PGLYRP4: variants seen among roughly 807,000 people sequenced by gnomAD.
PGLYRP4 encodes peptidoglycan recognition protein 4, also known as PGRP-I-beta.
Under a neutral mutation model 41.2 loss-of-function variants are expected in PGLYRP4, and 39 were observed. That is an observed-to-expected ratio of 0.95 (90% CI 0.73 to 1.24). The LOEUF is 1.24. Ranked by LOEUF, PGLYRP4 falls within the 50% of genes most tolerant of loss-of-function variation. PGLYRP4 has a pLI of 0.00. For missense variants in PGLYRP4, 467 were observed against 460.7 expected (o/e 1.01, Z -0.13); for synonymous variants, 202 against 186.8 (o/e 1.08, Z -0.66).
chr1:153,348,823 C>T lies in PGLYRP4; in HGVS notation c.-342G>A, dbSNP rs1661120742. On this transcript the variant is annotated 5_prime_UTR_variant, in exon 1 of 9. Transcript: ENST00000359650. Reference sequence around the variant, plus strand: ...GGCTCTGAGCCAGCTCCTTTCACAGCACCTGGAGAAATGCAAGTGGGACCA... The same window carrying T: ...GGCTCTGAGCCAGCTCCTTTCACAGTACCTGGAGAAATGCAAGTGGGACCA... The T allele has an allele frequency of 6.6e-6, 1 of 152,372 alleles. No homozygotes were observed. The highest frequency in any genetic ancestry group is 2.4e-5 in the African/African-American group (1 of 41,464). 9.4% of individuals were successfully genotyped at this position (152,372 alleles called of 1,614,324 possible). A position where few individuals can be genotyped will look rare whatever the true frequency, so the allele number is the denominator to read the frequency against.
intron 4 of PGLYRP4, among the ~76,000 whole-genome samples, chr1:153,344,517 T>A (rs1046626893): frequency 1.3e-5 from 2 of 152,164 alleles, no homozygotes; most frequent in Non-Finnish European, 2.9e-5. Flanking sequence ...GGGGAAGGTC[T>A]GAAGCAGGAA....
In PGLYRP4 at chr1:153,330,809, A is replaced by G; in HGVS notation, c.1080T>C (p.Ala360=). ...DVARTLSPGQ[A]LYNIISTWPH... ...GCCAGGTGCTGATGATGTTGTACAAAGCCTGCCCAGGAGACAAGGTTCGGG... is the reference window on the plus strand; with the variant it reads ...GCCAGGTGCTGATGATGTTGTACAAGGCCTGCCCAGGAGACAAGGTTCGGG... The change falls in exon 9 of 9, where the codon GCT becomes GCC. Residue 360 remains alanine (A), a synonymous_variant. Coordinates refer to ENST00000359650, the MANE Select transcript of PGLYRP4 (RefSeq NM_020393.4). 2 of 1,614,002 alleles carry G rather than the reference A, an allele frequency of 1.2e-6. No individual in the cohort carries two copies. Among genetic ancestry groups the G allele is most frequent in the East Asian group, 2.2e-5 (1 of 44,872 alleles).
At chr1:153,340,691 G>A in intron 6 of PGLYRP4, 112 bp from the exon 7 acceptor site, 1 of 1,073,202 alleles carries the variant, frequency 9.3e-7, no homozygotes, top group Non-Finnish European at 1.3e-6. Flanking sequence ...AACCCCTCTG[G>A]GTCTCCCACC....
At chr1:153,346,842 C>T (rs976459538) in intron 2 of PGLYRP4, among the ~76,000 whole-genome samples, 1 of 152,206 alleles carries the variant, frequency 6.6e-6, no homozygotes, top group Non-Finnish European at 1.5e-5. Flanking sequence ...TCTTCAGGTG[C>T]ATTATCTCAT....
At position 153,340,427 on chromosome 1, in the gene PGLYRP4, G is replaced by A; in HGVS notation, c.778C>T (p.Gln260Ter). ...TTGAGCCTGTCTATGTAGAAAGACT[G>A]GATGTCCCGGACCAGCAGGCGGCAC... Reference protein sequence around the residue: ...DECRLLVRDIQSFYIDRLKSC... With the variant: ...DECRLLVRDI The change falls in exon 7 of 9, where the codon CAG becomes TAG. Residue 260 changes from glutamine (Q) to a stop codon, truncating the protein, a stop_gained. Coordinates refer to ENST00000359650, the MANE Select transcript of PGLYRP4 (RefSeq NM_020393.4). LOFTEE classifies it high-confidence loss of function. The A allele has an allele frequency of 6.2e-7, 1 of 1,614,178 alleles. No homozygotes were observed. The highest frequency in any genetic ancestry group is 1.1e-5 in the South Asian group (1 of 91,072).
intron 8 of PGLYRP4, among the ~76,000 whole-genome samples, chr1:153,334,808 A>G (rs1012174542): frequency 6.6e-6 from 1 of 152,184 alleles, no homozygotes; most frequent in Non-Finnish European, 1.5e-5. Context: ...AAATTATACT[A>G]CAAGACTATA....
At position 153,339,961 on chromosome 1, in the gene PGLYRP4, G is replaced by A. The variant is rs185932535; in HGVS notation, c.824+420C>T. On this transcript the variant is annotated intron_variant, in intron 7 of 8. Transcript: ENST00000359650. ...CAGAGAAGCAGCACGGGTCTACCAT[G>A]AGGGGGAACCACTTCAGGTTGTGGC... Among the ~76,000 whole-genome samples, 5 of 152,322 alleles carry A rather than the reference G, an allele frequency of 3.3e-5. No individual in the cohort carries two copies. In the East Asian group the frequency reaches 9.7e-4, roughly 29 times the overall value.
intron 7 of PGLYRP4, among the ~76,000 whole-genome samples, chr1:153,340,177 A>T (rs1026670902): frequency 9.8e-5 from 15 of 152,292 alleles, no homozygotes; most frequent in Middle Eastern, 3.4e-3. Flanking sequence ...CATCTTGAGA[A>T]CATGTTTGGG....
In PGLYRP4 at chr1:153,347,868, G is replaced by A. The variant is rs370279274; in HGVS notation, c.49+16C>T. The A allele has an allele frequency of 4.0e-5, 64 of 1,601,650 alleles. No individual in the cohort carries two copies. Among genetic ancestry groups the A allele is most frequent in the Admixed American group, 8.4e-5 (5 of 59,812 alleles). ...CCCTTCTCGGTTGCTTTTTGGCCCA[G>A]GGAAAGAAAACTTACCCCAGGCCTG... On this transcript the variant is annotated intron_variant, in intron 2 of 8. Coordinates refer to ENST00000359650, the MANE Select transcript of PGLYRP4 (RefSeq NM_020393.4).
In PGLYRP4 at chr1:153,330,965, A is replaced by G. The variant is rs755920007; in HGVS notation, c.944-20T>C. On this transcript the variant is annotated intron_variant, in intron 8 of 8. Transcript: ENST00000359650. The stretch of plus-strand genomic sequence containing the variant: ...GTATACCTGCAAAACACAGCAGCCC[A>G]TTGTCTACAGGATTACAGGGCACCC... 8 of 1,605,740 alleles carry G rather than the reference A, an allele frequency of 5.0e-6. No homozygotes were observed. In the South Asian group the frequency reaches 8.8e-5, roughly 18 times the overall value.
At chr1:153,341,527 A>G in intron 6 of PGLYRP4, 100 bp downstream of exon 6, 2 of 1,118,944 alleles carry the variant, frequency 1.8e-6, no homozygotes, top group African/African-American at 1.6e-5. Context: ...TCCAGAAGGA[A>G]TCTAATGGGC....
chr1:153,330,776 GA>G lies in PGLYRP4; in HGVS notation c.1112del (p.Phe371SerfsTer11). ...GGACCTGGGGCTTCTCTCAGTGTTT[GA>G]AATGAGGCCAGGTGCTGATGATGTT... ...LYNIISTWPH[F>X]KH On this transcript the variant is annotated frameshift_variant, in exon 9 of 9. Transcript: ENST00000359650. LOFTEE classifies it high-confidence loss of function. 1.2e-6 allele frequency: 2 copies of G among 1,613,052 alleles called. No homozygotes were observed. Among genetic ancestry groups the G allele is most frequent in the Non-Finnish European group, 1.7e-6 (2 of 1,179,228 alleles).
intron 5 of PGLYRP4, 109 bp downstream of exon 5, chr1:153,342,981 A>G (rs1326784563): frequency 1.9e-6 from 1 of 520,532 alleles, no homozygotes; most frequent in African/African-American, 6.3e-5. Flanking sequence ...TCAGAGAAGT[A>G]TGAGAAGGAT....
At chr1:153,347,520 T>A (rs3006456) in intron 2 of PGLYRP4, among the ~76,000 whole-genome samples, 125,730 of 151,566 alleles carry the variant, frequency 0.83, 52,321 homozygotes, top group East Asian at 0.88. Context: ...ACTAGAGGCA[T>A]GTGCCACCAC....
At chr1:153,335,608 C>T (rs1660521995) in intron 8 of PGLYRP4, among the ~76,000 whole-genome samples, 2 of 152,032 alleles carry the variant, frequency 1.3e-5, no homozygotes, top group Admixed American at 6.6e-5. Flanking sequence ...ACCTGTAGTC[C>T]TAGCTACTCG....
intron 2 of PGLYRP4, among the ~76,000 whole-genome samples, chr1:153,346,839 G>T (rs138977203): frequency 6.6e-6 from 1 of 152,144 alleles, no homozygotes; most frequent in East Asian, 1.9e-4. Context: ...ATATCTTCAG[G>T]TGCATTATCT....
chr1:153,339,312 G>T (rs974607884), intron 7 of PGLYRP4, among the ~76,000 whole-genome samples: 1 of 152,224 alleles, frequency 6.6e-6, no homozygotes, highest in Non-Finnish European at 1.5e-5. Context: ...GCACTTGGTA[G>T]GTTCTGATAC....
Position 153,345,292 on chromosome 1 carries a change from T to C in PGLYRP4, c.230A>G (p.Asn77Ser), listed in dbSNP as rs1165084434. The C allele has an allele frequency of 3.1e-6, 5 of 1,614,028 alleles. No homozygotes were observed. The East Asian group carries it at 8.9e-5, about 29-fold the overall frequency. The change falls in exon 4 of 9, where the codon AAT (asparagine) becomes AGT (serine). Residue 77 changes from asparagine (N) to serine (S), a missense_variant. Asn to Ser is a conservative substitution (Grantham distance 46). Coordinates refer to ENST00000359650, the MANE Select transcript of PGLYRP4 (RefSeq NM_020393.4). Reference protein sequence around the residue: ...GCSIQLTTPVNVLVIHHVPGL... With the variant: ...GCSIQLTTPVSVLVIHHVPGL... ...AGGGACATGGTGTATAACAAGGACATTCACTGGCGTGGTCAGCTGAATACT... is the reference window on the plus strand; with the variant it reads ...AGGGACATGGTGTATAACAAGGACACTCACTGGCGTGGTCAGCTGAATACT...
chr1:153,343,152 C>T lies in PGLYRP4; in HGVS notation c.410G>A (p.Gly137Glu), dbSNP rs372846215. Residue 137 changes from glycine (G) to glutamate (E), a missense_variant, in exon 5 of 9, where the codon GGA becomes GAA. By Grantham distance (98) the Gly-to-Glu change is moderately conservative. Transcript: ENST00000359650. Reference protein sequence around the residue: ...VYEGVGWNIQGVHTQGYNNIS... With the variant: ...VYEGVGWNIQEVHTQGYNNIS... ...GTTGTTGTAGCCTTGGGTGTGCACT[C>T]CTTGGATATTCCAGCCAACACCTTC... The T allele has an allele frequency of 6.8e-6, 11 of 1,613,940 alleles. No homozygotes were observed. The highest frequency in any genetic ancestry group is 1.3e-5 in the African/African-American group (1 of 74,922).
Sources: gnomAD v4.1 joint callset for allele counts (sites outside exome capture counted in the v4.1 genomes callset) on GRCh38, gnomAD v4.1.1 for gene constraint, MANE v1.5 for transcripts, NCBI Gene and HGNC (gene_info 2026-07-23, HGNC 2026-07-21) for gene names.